OPCML: variants seen among roughly 807,000 people sequenced by gnomAD.
OPCML encodes the protein opioid binding protein/cell adhesion molecule like, also known as opioid-binding protein/cell adhesion molecule.
Under a neutral mutation model 37.8 loss-of-function variants are expected in OPCML, and 13 were observed. The ratio of observed to expected loss-of-function variants is 0.34; its 90% CI spans 0.22 to 0.55. The LOEUF is 0.55. Among genes scored for constraint, OPCML ranks in the 20% least tolerant of loss-of-function variants. The probability of loss-of-function intolerance (pLI) is 0.91; values close to 1 mark genes in which losing one functional copy is unlikely to be tolerated. For missense variants in OPCML, 341 were observed against 435.6 expected, an observed-to-expected ratio of 0.78 and a Z score of 1.93; for synonymous variants, 176 against 168.8, an observed-to-expected ratio of 1.04 and a Z score of -0.33.
At chr11:132,588,010 T>C (rs573864101) in intron 3 of OPCML, among the ~76,000 whole-genome samples, 1 of 152,102 alleles carries the variant, frequency 6.6e-6, no homozygotes, top group African/African-American at 2.4e-5. Context: ...CCCTTGGGGA[T>C]ACAGAATGAG....
intron 1 of OPCML, among the ~76,000 whole-genome samples, chr11:133,039,098 C>T (rs1183589140): frequency 1.3e-5 from 2 of 152,208 alleles, no homozygotes; most frequent in Admixed American, 6.5e-5. Context: ...TTTCACAACT[C>T]CAAGGCCTTT....
chr11:133,386,187 T>C (rs1467831107), intron 1 of OPCML, among the ~76,000 whole-genome samples: 2 of 152,250 alleles, frequency 1.3e-5, no homozygotes, highest in Admixed American at 6.5e-5. Context: ...TTTAATGTAA[T>C]TCCTAAAGGC....
chr11:133,247,402 T>C (rs550234330), intron 1 of OPCML, among the ~76,000 whole-genome samples: 3 of 152,324 alleles, frequency 2.0e-5, no homozygotes, highest in East Asian at 3.9e-4. Context: ...AGATACACAG[T>C]TTCTCCCTGT....
intron 2 of OPCML, among the ~76,000 whole-genome samples, chr11:132,768,914 G>C (rs1946545884): frequency 6.6e-6 from 1 of 152,076 alleles, no homozygotes; most frequent in Admixed American, 6.5e-5. Flanking sequence ...GATGAAAGGA[G>C]CACTTTATTT....
In OPCML at chr11:133,211,303, C is replaced by T. The variant is rs948711191; in HGVS notation, c.62-268293G>A. On this transcript the variant is annotated intron_variant, in intron 1 of 7. Transcript: ENST00000524381. This position sits in a 1 kb window ranked among gnomAD's most constrained non-coding sequence, Gnocchi z 4.1. ...TAATTGAGACCACAGCACCCAGCAC[C>T]TAAAAATCCACTCTTTAAGCATAAT... Among the ~76,000 whole-genome samples the T allele has an allele frequency of 2.0e-5, 3 of 152,102 alleles. No individual in the cohort carries two copies. The highest frequency in any genetic ancestry group is 4.4e-5 in the Non-Finnish European group (3 of 68,030).
At chr11:132,431,594 G>C (rs978065403) in intron 7 of OPCML, among the ~76,000 whole-genome samples, 2 of 152,172 alleles carry the variant, frequency 1.3e-5, no homozygotes, top group African/African-American at 2.4e-5. Flanking sequence ...CATCTTGGAC[G>C]ATCACCTACC....
At chr11:133,009,299 G>T (rs1269456728) in intron 1 of OPCML, 4 of 876,200 alleles carry the variant, frequency 4.6e-6, no homozygotes, top group Non-Finnish European at 5.5e-6. Flanking sequence ...GGAAGAGCTG[G>T]CTAAGGTAAC....
At chr11:133,006,678 T>A (rs1947119610) in intron 1 of OPCML, 2 of 985,314 alleles carry the variant, frequency 2.0e-6, no homozygotes, top group Admixed American at 1.2e-4. Context: ...TGATCCCACA[T>A]GTCTGCCACT....
intron 1 of OPCML, among the ~76,000 whole-genome samples, chr11:133,225,243 G>A (rs764425122): frequency 2.0e-5 from 3 of 152,216 alleles, no homozygotes; most frequent in Non-Finnish European, 4.4e-5. Flanking sequence ...AAAGCCAACA[G>A]AGTAGAGAGA....
At chr11:132,474,697 G>A (rs935725148) in intron 4 of OPCML, among the ~76,000 whole-genome samples, 1 of 152,116 alleles carries the variant, frequency 6.6e-6, no homozygotes, top group African/African-American at 2.4e-5. Context: ...TCATATAGCT[G>A]GTCTTCTGTC....
chr11:132,554,789 C>T lies in OPCML; in HGVS notation c.380-25603G>A, dbSNP rs369830389. On this transcript the variant is annotated intron_variant, in intron 3 of 7. Coordinates refer to ENST00000524381, the MANE Select transcript of OPCML (RefSeq NM_001012393.5). ...TCCATGTGTTTATGTTATTAACTCA[C>T]AGAGCTTTTCTTTCATTGCAAATAG... 1.9e-3 allele frequency among the ~76,000 whole-genome samples: 284 copies of T among 146,400 alleles called. 6 individuals carry two copies. The highest frequency in any genetic ancestry group is 2.0e-3 in the East Asian group (10 of 4,908).
chr11:132,960,218 C>T (rs916269098), intron 1 of OPCML, among the ~76,000 whole-genome samples: 32 of 152,176 alleles, frequency 2.1e-4, no homozygotes, highest in African/African-American at 5.8e-4. Context: ...GCCCAATAAC[C>T]GTAACTTTAC....
At chr11:133,186,789 G>A (rs114157789) in intron 1 of OPCML, among the ~76,000 whole-genome samples, 2,523 of 152,270 alleles carry the variant, frequency 0.017, 70 homozygotes, top group African/African-American at 0.058. Flanking sequence ...TAATAAGAAA[G>A]CCAAGTACAC....
intron 1 of OPCML, among the ~76,000 whole-genome samples, chr11:132,998,593 T>C (rs764682078): frequency 1.6e-4 from 25 of 152,330 alleles, no homozygotes; most frequent in Non-Finnish European, 2.8e-4. Flanking sequence ...AAAAAAGGTA[T>C]TTTCCAGAGA....
chr11:132,451,339 C>A (rs927817504), intron 4 of OPCML, among the ~76,000 whole-genome samples: 1 of 138,364 alleles, frequency 7.2e-6, no homozygotes. Flanking sequence ...AGCAAGGACA[C>A]TGACGAGATG....
intron 3 of OPCML, among the ~76,000 whole-genome samples, chr11:132,552,040 C>T (rs2137435092): frequency 6.6e-6 from 1 of 152,202 alleles, no homozygotes; most frequent in Middle Eastern, 3.4e-3. Flanking sequence ...TCTATGTTGT[C>T]AGAGCACTTG....
At chr11:133,320,666 A>G (rs1341419581) in intron 1 of OPCML, among the ~76,000 whole-genome samples, 2 of 152,242 alleles carry the variant, frequency 1.3e-5, no homozygotes, top group African/African-American at 4.8e-5. Context: ...AATTTAAAAT[A>G]AAAACTCTTA....
At chr11:132,539,660 A>C (rs1034317688) in intron 3 of OPCML, among the ~76,000 whole-genome samples, 6 of 151,858 alleles carry the variant, frequency 4.0e-5, no homozygotes, top group African/African-American at 1.5e-4. Context: ...TGGTAAAGAT[A>C]GTGATGGTGA....
At chr11:133,318,600 G>A (rs1306165322) in intron 1 of OPCML, among the ~76,000 whole-genome samples, 1 of 152,154 alleles carries the variant, frequency 6.6e-6, no homozygotes, top group African/African-American at 2.4e-5. Context: ...TATTGTGAGA[G>A]TCCTTCATAA....
Sources: allele counts gnomAD v4.1 joint callset (sites outside exome capture counted in the v4.1 genomes callset), GRCh38; gene constraint gnomAD v4.1.1; non-coding constraint Gnocchi (gnomAD v3.1); transcripts MANE v1.5; gene names NCBI Gene and HGNC (gene_info 2026-07-23, HGNC 2026-07-21).